ERI1: variants seen among roughly 807,000 people sequenced by gnomAD.
The protein encoded by ERI1 is 3'-5' exoribonuclease 1.
A neutral mutation model predicts 39.7 loss-of-function variants in ERI1; 39 were observed. The ratio of observed to expected loss-of-function variants is 0.98; its 90% confidence interval spans 0.76 to 1.28. The LOEUF is 1.28. Ranked by LOEUF, ERI1 falls within the 50% of genes most tolerant of loss-of-function variation. ERI1 has a pLI of 0.00. For synonymous variants in ERI1, 204 were observed against 149.6 expected, an observed-to-expected ratio of 1.36 and a Z score of -2.65; for missense variants, 581 against 416.9, an observed-to-expected ratio of 1.39 and a Z score of -3.43.
intron 3 of ERI1, among the ~76,000 whole-genome samples, chr8:9,077,731 G>A (rs926310658): frequency 1.2e-4 from 19 of 152,208 alleles, no homozygotes; most frequent in African/African-American, 4.3e-4. Flanking sequence ...AAGCTTCCCT[G>A]GCTGATGATT....
chr8:9,038,460 A>G (rs1797919382), intron 3 of ERI1, among the ~76,000 whole-genome samples: 1 of 152,244 alleles, frequency 6.6e-6, no homozygotes, highest in Non-Finnish European at 1.5e-5. Context: ...AAGTGTATAT[A>G]CATTTAAAAT....
rs71201904 is a variant in ERI1, at chr8:9,004,485, C to CTT, written c.108+1339_108+1340dup. 1.1e-3 allele frequency among the ~76,000 whole-genome samples: 89 copies of CTT among 78,298 alleles called. 1 individual carries two copies. The highest frequency in any genetic ancestry group is 2.3e-3 in the South Asian group (4 of 1,774). 51.4% of individuals were successfully genotyped at this position (78,298 alleles called of 152,430 possible). A position where few individuals can be genotyped will look rare whatever the true frequency, so the allele number is the denominator to read the frequency against. Reference sequence around the variant, plus strand: ...CTGTTGCATGCTCTTTATAGTGATACTTTTTTTTTTTTTTTTTTTTTTTTT... The same window carrying CTT: ...CTGTTGCATGCTCTTTATAGTGATACTTTTTTTTTTTTTTTTTTTTTTTTTTT... On this transcript the variant is annotated intron_variant, in intron 1 of 6. Coordinates refer to ENST00000250263, the MANE Select transcript of ERI1 (RefSeq NM_153332.4).
intron 3 of ERI1, among the ~76,000 whole-genome samples, chr8:9,076,862 C>T (rs1204235054): frequency 1.3e-5 from 2 of 152,178 alleles, no homozygotes; most frequent in African/African-American, 2.4e-5. Context: ...AGAGCTGCCC[C>T]ACCTTTGAAG....
chr8:9,010,839 A>G (rs1816592497), intron 2 of ERI1, among the ~76,000 whole-genome samples: 2 of 152,194 alleles, frequency 1.3e-5, no homozygotes, highest in Non-Finnish European at 2.9e-5. Flanking sequence ...TGTGGAATGT[A>G]TATTTTAAAG....
At chr8:9,008,961 C>A (rs1377257075) in intron 2 of ERI1, 1 of 454,808 alleles carries the variant, frequency 2.2e-6, no homozygotes, top group Non-Finnish European at 4.4e-6. Context: ...TTATTAATTT[C>A]TAGATTGTCT....
At chr8:9,018,218 C>T in intron 4 of ERI1, 79 bp from the exon 5 acceptor site, 1 of 713,644 alleles carries the variant, frequency 1.4e-6, no homozygotes, top group Non-Finnish European at 2.4e-6. Flanking sequence ...TCTTCCCCTC[C>T]AACTTAGGTC....
At chr8:9,058,911 C>G (rs1190895011) in intron 3 of ERI1, among the ~76,000 whole-genome samples, 1 of 152,070 alleles carries the variant, frequency 6.6e-6, no homozygotes, top group African/African-American at 2.4e-5. Flanking sequence ...TACAAACCAA[C>G]TTTCATGCGC....
chr8:9,012,060 G>A (rs1236324905), intron 3 of ERI1, among the ~76,000 whole-genome samples: 2 of 152,150 alleles, frequency 1.3e-5, no homozygotes, highest in African/African-American at 2.4e-5. Flanking sequence ...TGATACTGAT[G>A]CCTGGCCCTA....
At position 9,018,292 on chromosome 8, in the gene ERI1, C is replaced by G. The variant is rs760001370; in HGVS notation, c.583-5C>G. Reference sequence around the variant, plus strand: ...TTTTTGTATATTTTACTTTTATATCCTCAGGATCAGGTAGACAGAGCTGAT... The same window carrying G: ...TTTTTGTATATTTTACTTTTATATCGTCAGGATCAGGTAGACAGAGCTGAT... On this transcript the variant is annotated splice_polypyrimidine_tract_variant and splice_region_variant and intron_variant, in intron 4 of 6. Coordinates refer to ENST00000250263, the MANE Select transcript of ERI1 (RefSeq NM_153332.4). The G allele has an allele frequency of 6.3e-7, 1 of 1,580,458 alleles. No homozygotes were observed. Among genetic ancestry groups the G allele is most frequent in the African/African-American group, 1.4e-5 (1 of 73,812 alleles).
intron 3 of ERI1, among the ~76,000 whole-genome samples, chr8:9,049,630 T>A (rs992413153): frequency 1.3e-5 from 2 of 152,148 alleles, no homozygotes; most frequent in East Asian, 3.8e-4. Context: ...AGGAAATACT[T>A]AAAGGAGTTA....
rs61730229 is a variant in ERI1, at chr8:9,003,314, C to T, written c.108+143C>T. ...CAGCCTCTTCCTCGGTGCCCAGCTCCCTGGCTTTATCCTCGGGTGGGTGTC... is the reference window on the plus strand; with the variant it reads ...CAGCCTCTTCCTCGGTGCCCAGCTCTCTGGCTTTATCCTCGGGTGGGTGTC... On this transcript the variant is annotated intron_variant, in intron 1 of 6. Transcript: ENST00000250263. 2.4e-3 allele frequency: 1,113 copies of T among 456,904 alleles called. 19 individuals carry two copies. The highest frequency in any genetic ancestry group is 0.02 in the African/African-American group (1,009 of 49,802). The allele number at this position is 456,904 out of a possible 1,614,324, so 28.3% of individuals were successfully genotyped here. A position where few individuals can be genotyped will look rare whatever the true frequency, so the allele number is the denominator to read the frequency against.
intron 1 of ERI1, 67 bp from the exon 2 acceptor site, chr8:9,007,903 C>A (rs1164475868): frequency 6.7e-7 from 1 of 1,488,202 alleles, no homozygotes; most frequent in Non-Finnish European, 8.9e-7. Flanking sequence ...ATCTTTAAAT[C>A]TGTGATGTTT....
intron 3 of ERI1, among the ~76,000 whole-genome samples, chr8:9,039,676 GAATC>G (rs1448457307): frequency 1.3e-5 from 2 of 152,122 alleles, no homozygotes; most frequent in Non-Finnish European, 2.9e-5. Flanking sequence ...GCAGAATTAA[GAATC>G]AAATAAAATT....
chr8:9,040,269 A>G (rs1239699854), intron 3 of ERI1, among the ~76,000 whole-genome samples: 4 of 152,236 alleles, frequency 2.6e-5, no homozygotes, highest in Non-Finnish European at 5.9e-5. Flanking sequence ...CACATTTTGA[A>G]TATCCTAACA....
intron 6 of ERI1, among the ~76,000 whole-genome samples, chr8:9,020,974 A>C (rs1817825164): frequency 6.6e-6 from 1 of 152,026 alleles, no homozygotes; most frequent in Non-Finnish European, 1.5e-5. Context: ...TTTCATGCTT[A>C]TACTACTTCT....
intron 3 of ERI1, among the ~76,000 whole-genome samples, chr8:9,041,605 T>G (rs1798021827): frequency 6.6e-6 from 1 of 152,094 alleles, no homozygotes; most frequent in African/African-American, 2.4e-5. Flanking sequence ...AAGAAGAAAT[T>G]AAGAATGAGA....
rs184044447 is a variant in ERI1, at chr8:9,032,333, T to C, written c.*2299T>C. Reference sequence around the variant, plus strand: ...TATTATTAGCTGTGTTAACTTTTATTCTATGCTTCATATGCTCTGACATTG... The same window carrying C: ...TATTATTAGCTGTGTTAACTTTTATCCTATGCTTCATATGCTCTGACATTG... On this transcript the variant is annotated 3_prime_UTR_variant, in exon 7 of 7. Transcript: ENST00000250263. 1 of 152,362 alleles carries C rather than the reference T, an allele frequency of 6.6e-6. No individual in the cohort carries two copies. Among genetic ancestry groups the C allele is most frequent in the Non-Finnish European group, 1.5e-5 (1 of 68,040 alleles). The allele number at this position is 152,362 out of a possible 1,614,324, so 9.4% of individuals were successfully genotyped here.
rs1464924283 is a variant in ERI1 at position 9,030,129 on chromosome 8, C to G, written c.*95C>G. On this transcript the variant is annotated 3_prime_UTR_variant, in exon 7 of 7. Coordinates refer to ENST00000250263, the MANE Select transcript of ERI1 (RefSeq NM_153332.4). ...TTAGTCCTGTAGTGCAAACTTTAAGCACCTTAAAACATTTAAAATCTTATT... is the reference window on the plus strand; with the variant it reads ...TTAGTCCTGTAGTGCAAACTTTAAGGACCTTAAAACATTTAAAATCTTATT... 2 of 1,455,440 alleles carry G rather than the reference C, an allele frequency of 1.4e-6. No individual in the cohort carries two copies. The highest frequency in any genetic ancestry group is 1.9e-6 in the Non-Finnish European group (2 of 1,068,340). 90.2% of individuals were successfully genotyped at this position (1,455,440 alleles called of 1,614,324 possible).
intron 3 of ERI1, among the ~76,000 whole-genome samples, chr8:9,083,578 C>T (rs1220511410): frequency 6.6e-6 from 1 of 151,644 alleles, no homozygotes; most frequent in Non-Finnish European, 1.5e-5. Flanking sequence ...TCATGATGCT[C>T]ACTTTGGCAG....
Sources: allele counts gnomAD v4.1 joint callset (sites outside exome capture counted in the v4.1 genomes callset), GRCh38; gene constraint gnomAD v4.1.1; transcripts MANE v1.5; gene names NCBI Gene and HGNC (gene_info 2026-07-23, HGNC 2026-07-21).